Variants in LRP6 observed in about 807,000 individuals in gnomAD.
The protein encoded by LRP6 is low-density lipoprotein receptor-related protein 6.
LRP6 carries 43 observed loss-of-function variants against 184.1 expected under a neutral mutation model. That is an observed-to-expected ratio of 0.23 (90% CI 0.18 to 0.30). The LOEUF (loss-of-function observed/expected upper bound fraction) is 0.30, where lower values mean the gene tolerates loss of function less well. LRP6 is among the 10% of genes least tolerant of loss of function. The pLI, the probability that LRP6 is intolerant of heterozygous loss-of-function variation, is 1.00. For missense variants in LRP6, 1,571 were observed against 2,005.3 expected (o/e 0.78, Z 4.14); for synonymous variants, 719 against 684.9 (o/e 1.05, Z -0.78).
chr12:12,215,246 A>C (rs1864310800), intron 2 of LRP6, among the ~76,000 whole-genome samples: 1 of 152,182 alleles, frequency 6.6e-6, no homozygotes, highest in Non-Finnish European at 1.5e-5. Flanking sequence ...AAGTTTGAGG[A>C]GGGAAGGACA....
chr12:12,161,923 TTAACA>T (rs1308826986), intron 10 of LRP6, among the ~76,000 whole-genome samples: 1 of 145,224 alleles, frequency 6.9e-6, no homozygotes, highest in Non-Finnish European at 1.5e-5. Context: ...GTATATATAC[TTAACA>T]TATCAGTATA....
At chr12:12,248,471 C>CCTTT (rs1865242351) in intron 1 of LRP6, among the ~76,000 whole-genome samples, 5 of 62,758 alleles carry the variant, frequency 8.0e-5, no homozygotes, top group African/African-American at 2.9e-4. Flanking sequence ...AGTCTTTACT[C>CCTTT]TTTTTTTTTT....
rs567315765 is a variant in LRP6, at chr12:12,119,987, C to CAAACAAACAAAAA, written c.*1138_*1139insTTTTTGTTTGTTT. 2.3e-5 allele frequency: 1 copy of CAAACAAACAAAAA among 42,938 alleles called. No homozygotes were observed. The highest frequency in any genetic ancestry group is 4.5e-5 in the Non-Finnish European group (1 of 22,140). The allele number at this position is 42,938 out of a possible 1,614,324, so 2.7% of individuals were successfully genotyped here. A position where few individuals can be genotyped will look rare whatever the true frequency, so the allele number is the denominator to read the frequency against. Reference sequence around the variant, plus strand: ...TTTACTCAGAAAACAAACAAACAAACAAAATATATATATATATATATATAT... The same window carrying CAAACAAACAAAAA: ...TTTACTCAGAAAACAAACAAACAAACAAACAAACAAAAAAAAATATATATATATATATATATAT... On this transcript the variant is annotated 3_prime_UTR_variant, in exon 23 of 23. Transcript: ENST00000261349.
chr12:12,259,031 G>A (rs949678388), intron 1 of LRP6, among the ~76,000 whole-genome samples: 30 of 152,204 alleles, frequency 2.0e-4, no homozygotes, highest in African/African-American at 7.2e-4. Flanking sequence ...GAAGGCCAAA[G>A]CGGGTGGACC....
chr12:12,128,532 A>G (rs573366799), intron 19 of LRP6, among the ~76,000 whole-genome samples: 1 of 152,306 alleles, frequency 6.6e-6, no homozygotes, highest in South Asian at 2.1e-4. Context: ...GGGATATTCC[A>G]TGAGTACCTC....
chr12:12,216,255 T>A (rs1308390914), intron 2 of LRP6, among the ~76,000 whole-genome samples: 3 of 152,148 alleles, frequency 2.0e-5, no homozygotes, highest in Non-Finnish European at 4.4e-5. Flanking sequence ...CCAAAAGCTA[T>A]TAGATTTCTG....
chr12:12,262,418 C>G (rs1865638331), intron 1 of LRP6, among the ~76,000 whole-genome samples: 1 of 151,992 alleles, frequency 6.6e-6, no homozygotes, highest in Non-Finnish European at 1.5e-5. Context: ...ATAAGTCAGG[C>G]ATGGTGGCAG....
chr12:12,205,686 G>C (rs540246971), intron 2 of LRP6, among the ~76,000 whole-genome samples: 124 of 152,190 alleles, frequency 8.1e-4, no homozygotes, highest in Non-Finnish European at 1.5e-3. Context: ...ACTGAGAAAT[G>C]TAAGCACATC....
chr12:12,179,932 C>A lies in LRP6; in HGVS notation c.1423G>T (p.Ala475Ser). Residue 475 changes from alanine (A) to serine (S), a missense_variant, in exon 7 of 23, where the codon GCT becomes TCT. This residue lies in a region of LRP6 where 640 missense variants were observed against 851.9 expected (regional missense o/e 0.75). Coordinates refer to ENST00000261349, the MANE Select transcript of LRP6 (RefSeq NM_002336.3). ...ACTACACGGTCAGAACCATCCAGAG[C>A]TGCTCGCTCAATTTTCGGAATTTCT... Reference protein sequence around the residue: ...WGEIPKIERAALDGSDRVVLV... With the variant: ...WGEIPKIERASLDGSDRVVLV... 1 of 1,613,966 alleles carries A rather than the reference C, an allele frequency of 6.2e-7. No individual in the cohort carries two copies. The highest frequency in any genetic ancestry group is 8.5e-7 in the Non-Finnish European group (1 of 1,179,886).
chr12:12,220,515 C>G (rs1202268951), intron 2 of LRP6, among the ~76,000 whole-genome samples: 1 of 152,070 alleles, frequency 6.6e-6, no homozygotes, highest in African/African-American at 2.4e-5. Flanking sequence ...GCCCAATATC[C>G]TCTTTAATCA....
intron 20 of LRP6, 132 bp downstream of exon 20, chr12:12,126,559 T>C: frequency 2.7e-6 from 2 of 747,754 alleles, no homozygotes; most frequent in Non-Finnish European, 4.6e-6. Flanking sequence ...AAAGAACGTT[T>C]GTCCTTATAA....
chr12:12,133,661 C>A (rs1434659501), intron 17 of LRP6, among the ~76,000 whole-genome samples: 3 of 152,016 alleles, frequency 2.0e-5, no homozygotes, highest in African/African-American at 7.3e-5. Context: ...TTAATACATA[C>A]ATTAAAAATA....
rs1949572224 is a variant in LRP6, at chr12:12,119,950, ATATT to A, written c.*1172_*1175del. ...TAAATAGATTGTCTCTAACCAGAAC[ATATT>A]TAAATGTTTTACTCAGAAAACAAAC... On this transcript the variant is annotated 3_prime_UTR_variant, in exon 23 of 23. Transcript: ENST00000261349. 1 of 142,758 alleles carries A rather than the reference ATATT, an allele frequency of 7.0e-6. No homozygotes were observed. The highest frequency in any genetic ancestry group is 2.2e-4 in the South Asian group (1 of 4,500). 8.8% of individuals were successfully genotyped at this position (142,758 alleles called of 1,614,324 possible).
In LRP6 at chr12:12,216,456, C is replaced by CAAAT. The variant is rs546506053; in HGVS notation, c.450-13060_450-13057dup. On this transcript the variant is annotated intron_variant, in intron 2 of 22. Transcript: ENST00000261349. ...GTAAATAGTATTTGAGAAGAGAAGA[C>CAAAT]AAATCCAAGAGCTACTTAGAAGGCA... 5.3e-4 allele frequency among the ~76,000 whole-genome samples: 80 copies of CAAAT among 152,086 alleles called. 1 individual carries two copies. Among genetic ancestry groups the CAAAT allele is most frequent in the Admixed American group, 4.5e-3 (69 of 15,282 alleles).
At chr12:12,147,069 G>A (rs561980206) in intron 15 of LRP6, among the ~76,000 whole-genome samples, 1 of 151,940 alleles carries the variant, frequency 6.6e-6, no homozygotes, top group Admixed American at 6.6e-5. Flanking sequence ...GGAGAATGGC[G>A]TGAACCCGGG....
At chr12:12,210,219 T>G (rs565451012) in intron 2 of LRP6, among the ~76,000 whole-genome samples, 1 of 152,174 alleles carries the variant, frequency 6.6e-6, no homozygotes, top group Non-Finnish European at 1.5e-5. Flanking sequence ...ATATTCCAAA[T>G]AAGAACTAAT....
chr12:12,216,015 A>C (rs1385685871), intron 2 of LRP6, among the ~76,000 whole-genome samples: 1 of 151,986 alleles, frequency 6.6e-6, no homozygotes, highest in Non-Finnish European at 1.5e-5. Context: ...TGCCTCAAAA[A>C]ATAATAATAA....
intron 3 of LRP6, among the ~76,000 whole-genome samples, chr12:12,202,330 G>C (rs1863934724): frequency 6.6e-6 from 1 of 152,208 alleles, no homozygotes; most frequent in Non-Finnish European, 1.5e-5. Flanking sequence ...ATCACTTGGA[G>C]CTCAGGGCAT....
Position 12,117,080 on chromosome 12 carries a change from G to A in LRP6, c.*4046C>T, listed in dbSNP as rs1308043678. On this transcript the variant is annotated 3_prime_UTR_variant, in exon 23 of 23. Transcript: ENST00000261349. ...ATTATAAAATGGTGCCATCCCAAAAGTCAGAAGCCACACATGCACTACAAG... is the reference window on the plus strand; with the variant it reads ...ATTATAAAATGGTGCCATCCCAAAAATCAGAAGCCACACATGCACTACAAG... The A allele has an allele frequency of 1.3e-5, 2 of 152,156 alleles. No homozygotes were observed. Among genetic ancestry groups the A allele is most frequent in the Non-Finnish European group, 2.9e-5 (2 of 68,022 alleles). 9.4% of individuals were successfully genotyped at this position (152,156 alleles called of 1,614,324 possible).
Sources: allele counts gnomAD v4.1 joint callset (sites outside exome capture counted in the v4.1 genomes callset), GRCh38; gene constraint gnomAD v4.1.1; regional missense constraint gnomAD v4.1.1; transcripts MANE v1.5; gene names NCBI Gene and HGNC (gene_info 2026-07-23, HGNC 2026-07-21).